Variants in NHSL1 observed in about 807,000 individuals in gnomAD.
The protein encoded by NHSL1 is NHS-like protein 1.
A neutral mutation model predicts 95.0 loss-of-function variants in NHSL1; 48 were observed. The ratio of observed to expected loss-of-function variants is 0.51; its 90% CI spans 0.40 to 0.64. NHSL1 has a LOEUF of 0.64. NHSL1 is among the 30% of genes least tolerant of loss of function. The pLI, the probability that NHSL1 is intolerant of heterozygous loss-of-function variation, is 0.00. For missense variants in NHSL1, 1,971 were observed against 2,077.7 expected (o/e 0.95, Z 1.00); for synonymous variants, 783 against 833.9 (o/e 0.94, Z 1.05).
intron 1 of NHSL1, among the ~76,000 whole-genome samples, chr6:138,641,723 C>CCAAGT (rs200056031): frequency 0.011 from 1,743 of 152,058 alleles, 37 homozygotes; most frequent in African/African-American, 0.04. Context: ...AATACTGCAC[C>CCAAGT]CAACCTTTCT....
At chr6:138,644,451 C>T (rs1195381221) in intron 1 of NHSL1, among the ~76,000 whole-genome samples, 1 of 152,198 alleles carries the variant, frequency 6.6e-6, no homozygotes, top group South Asian at 2.1e-4. Flanking sequence ...TGCAGCGAGC[C>T]GAGACTGTGC....
intron 1 of NHSL1, among the ~76,000 whole-genome samples, chr6:138,519,938 C>T (rs1168425013): frequency 2.6e-5 from 4 of 152,014 alleles, no homozygotes; most frequent in African/African-American, 9.7e-5. Context: ...TTTCCTACTC[C>T]CTCTCAACCT....
At chr6:138,529,255 T>C (rs1461120133) in intron 1 of NHSL1, among the ~76,000 whole-genome samples, 1 of 152,210 alleles carries the variant, frequency 6.6e-6, no homozygotes, top group Non-Finnish European at 1.5e-5. Flanking sequence ...GAAAGGTCAT[T>C]CAATTTTGGT....
At chr6:138,590,981 T>A (rs967810617) in intron 1 of NHSL1, among the ~76,000 whole-genome samples, 6 of 152,172 alleles carry the variant, frequency 3.9e-5, no homozygotes, top group Non-Finnish European at 8.8e-5. Flanking sequence ...TGGGTTCTAA[T>A]CCTGATTTCA....
chr6:138,620,743 T>A (rs1784644493), intron 1 of NHSL1, among the ~76,000 whole-genome samples: 1 of 152,120 alleles, frequency 6.6e-6, no homozygotes, highest in Non-Finnish European at 1.5e-5. Flanking sequence ...TAATAATACT[T>A]CTAACTGTGC....
At position 138,489,801 on chromosome 6, in the gene NHSL1, AGAGAGAGGGAGAGAGG is replaced by A. The variant is rs1247522434; in HGVS notation, c.211+6402_211+6417del. ...AAAGAGAGAAAGAAAGAAAGAAAGA[AGAGAGAGGGAGAGAGG>A]GAGAGAGGGAGAGAGAGAGAGAGAG... is the stretch of plus-strand genomic sequence containing the variant. On this transcript the variant is annotated intron_variant, in intron 2 of 7. Transcript: ENST00000343505. Among the ~76,000 whole-genome samples, 14 of 128,440 alleles carry A rather than the reference AGAGAGAGGGAGAGAGG, an allele frequency of 1.1e-4. 1 individual carries two copies. Among genetic ancestry groups the A allele is most frequent in the African/African-American group, 3.8e-4 (13 of 34,628 alleles). 84.3% of individuals were successfully genotyped at this position (128,440 alleles called of 152,430 possible). A position where few individuals can be genotyped will look rare whatever the true frequency, so the allele number is the denominator to read the frequency against.
chr6:138,488,635 G>A (rs1210874275), intron 2 of NHSL1, among the ~76,000 whole-genome samples: 1 of 152,080 alleles, frequency 6.6e-6, no homozygotes, highest in Non-Finnish European at 1.5e-5. Context: ...GGTGAGTGAG[G>A]AGACTTCAGG....
At chr6:138,684,365 C>T (rs996044550) in intron 1 of NHSL1, among the ~76,000 whole-genome samples, 1 of 151,902 alleles carries the variant, frequency 6.6e-6, no homozygotes, top group South Asian at 2.1e-4. Flanking sequence ...AAGGGGGAGG[C>T]CTGTGGGCGC....
chr6:138,621,105 G>A (rs769716133), intron 1 of NHSL1, among the ~76,000 whole-genome samples: 1 of 152,206 alleles, frequency 6.6e-6, no homozygotes, highest in Non-Finnish European at 1.5e-5. Context: ...CCCCCTGCCA[G>A]CATCCCCCAG....
chr6:138,451,343 G>A (rs1192275622), intron 3 of NHSL1, among the ~76,000 whole-genome samples: 1 of 152,142 alleles, frequency 6.6e-6, no homozygotes, highest in African/African-American at 2.4e-5. Flanking sequence ...GTCCCCTTAA[G>A]AGTCCTCTTT....
At chr6:138,654,643 C>T (rs4515404) in intron 1 of NHSL1, among the ~76,000 whole-genome samples, 61,054 of 151,752 alleles carry the variant, frequency 0.4, 14,225 homozygotes, top group African/African-American at 0.66. Flanking sequence ...CAATGAGATG[C>T]TATTAGTATT....
At chr6:138,500,352 A>G (rs747350037), upstream of NHSL1, among the ~76,000 whole-genome samples, 30 of 152,250 alleles carry the variant, frequency 2.0e-4, no homozygotes, top group Admixed American at 7.9e-4. Flanking sequence ...GTAGAGACAG[A>G]GAAATCAGAA....
intron 2 of NHSL1, among the ~76,000 whole-genome samples, chr6:138,483,068 G>A (rs966867557): frequency 6.6e-6 from 1 of 152,182 alleles, no homozygotes; most frequent in African/African-American, 2.4e-5. Flanking sequence ...CACACCGTGA[G>A]AAAACTGTTT....
chr6:138,658,633 A>C (rs1785187637), intron 1 of NHSL1, among the ~76,000 whole-genome samples: 1 of 152,202 alleles, frequency 6.6e-6, no homozygotes, highest in Non-Finnish European at 1.5e-5. Context: ...TATTGCAAAT[A>C]ATGCTGTAAT....
chr6:138,576,955 T>C (rs1454690790), upstream of NHSL1, among the ~76,000 whole-genome samples: 1 of 152,236 alleles, frequency 6.6e-6, no homozygotes, highest in Non-Finnish European at 1.5e-5. Flanking sequence ...AAAATTTAAC[T>C]ATAAAAACTG....
At chr6:138,671,412 T>C (rs1319193647) in intron 1 of NHSL1, among the ~76,000 whole-genome samples, 1 of 149,376 alleles carries the variant, frequency 6.7e-6, no homozygotes, top group Non-Finnish European at 1.5e-5. Context: ...ATCGCGCCAC[T>C]GCACTCCAGG....
intron 1 of NHSL1, among the ~76,000 whole-genome samples, chr6:138,640,297 C>T (rs955661238): frequency 1.3e-5 from 2 of 152,152 alleles, no homozygotes; most frequent in African/African-American, 4.8e-5. Context: ...TAGGCTAGGG[C>T]AAACAAACTT....
rs140736788 is a variant in NHSL1 at position 138,663,820 on chromosome 6, G to A, written c.96+28656C>T. ...TGGGAGGCGGAGGTTGCAGTGAGCCGAGATTGTGCCACTGCACTCCAGCCT... is the reference window on the plus strand; with the variant it reads ...TGGGAGGCGGAGGTTGCAGTGAGCCAAGATTGTGCCACTGCACTCCAGCCT... On this transcript the variant is annotated intron_variant, in intron 1 of 3. Transcript: ENST00000491526. 4.2e-3 allele frequency among the ~76,000 whole-genome samples: 637 copies of A among 152,194 alleles called. 2 individuals carry two copies. Among genetic ancestry groups the A allele is most frequent in the African/African-American group, 7.8e-3 (322 of 41,526 alleles).
intron 4 of NHSL1, among the ~76,000 whole-genome samples, chr6:138,444,010 C>G (rs1776700327): frequency 6.6e-6 from 1 of 152,126 alleles, no homozygotes. Flanking sequence ...CTAAAAGTCT[C>G]TTCTACTGGA....
Sources: allele counts gnomAD v4.1 joint callset (sites outside exome capture counted in the v4.1 genomes callset), GRCh38; gene constraint gnomAD v4.1.1; transcripts MANE v1.5; gene names NCBI Gene and HGNC (gene_info 2026-07-23, HGNC 2026-07-21).